RANBP17: variants seen among roughly 807,000 people sequenced by gnomAD.
RANBP17 encodes RAN binding protein 17.
In RANBP17, 158 loss-of-function variants were observed where a neutral mutation model predicts 141.2. The observed-to-expected ratio is 1.12, with a 90% CI of 0.98 to 1.28. The LOEUF (loss-of-function observed/expected upper bound fraction) is 1.28. Ranked by LOEUF, RANBP17 falls within the 50% of genes most tolerant of loss-of-function variation. The pLI is 0.00. For missense variants in RANBP17, 1,438 were observed against 1,290.7 expected (o/e 1.11, Z -1.75); for synonymous variants, 430 against 450.0 (o/e 0.96, Z 0.56).
chr5:171,192,500 AAAAT>A (rs1761716070), intron 18 of RANBP17, among the ~76,000 whole-genome samples: 1 of 152,262 alleles, frequency 6.6e-6, no homozygotes, highest in South Asian at 2.1e-4. Flanking sequence ...TCCGGGAACT[AAAAT>A]AAACACTCTG....
rs556815278 is a variant in RANBP17 at position 171,229,052 on chromosome 5, A to G, written c.2422+7212A>G. 3.9e-3 allele frequency among the ~76,000 whole-genome samples: 591 copies of G among 152,370 alleles called. 1 individual carries two copies. Among genetic ancestry groups the G allele is most frequent in the Non-Finnish European group, 5.5e-3 (373 of 68,036 alleles). On this transcript the variant is annotated intron_variant, in intron 22 of 27. Coordinates refer to ENST00000523189, the MANE Select transcript of RANBP17 (RefSeq NM_022897.5). ...ATGTATAAATGATACTTATGTATAA[A>G]TGATTACAAGAAGATAGCTAAATAA...
intron 14 of RANBP17, among the ~76,000 whole-genome samples, chr5:170,975,028 T>C (rs927720145): frequency 1.3e-5 from 2 of 152,160 alleles, no homozygotes; most frequent in African/African-American, 4.8e-5. Flanking sequence ...GGTCATTTTT[T>C]CCTTGTCCCT....
intron 14 of RANBP17, among the ~76,000 whole-genome samples, chr5:171,158,033 T>C (rs1451748397): frequency 2.0e-5 from 3 of 152,226 alleles, no homozygotes; most frequent in Admixed American, 6.5e-5. Context: ...CAGGCAATGC[T>C]TCCAGTATTT....
rs3080616 is a variant in RANBP17, at chr5:170,886,651, C to CTTTTTTTTTTTTTTTTTTTTT, written c.256+4758_256+4778dup. Among the ~76,000 whole-genome samples, 2 of 87,860 alleles carry CTTTTTTTTTTTTTTTTTTTTT rather than the reference C, an allele frequency of 2.3e-5. 1 individual carries two copies. The allele number at this position is 87,860 out of a possible 152,430, so 57.6% of individuals were successfully genotyped here. On this transcript the variant is annotated intron_variant, in intron 3 of 27. Coordinates refer to ENST00000523189, the MANE Select transcript of RANBP17 (RefSeq NM_022897.5). ...ACACTACACCATTCATTTGAGGTGC[C>CTTTTTTTTTTTTTTTTTTTTT]TTTTTTTTTTTTTTTTTTTTTTTGA...
At chr5:170,909,372 A>G (rs1198632738) in intron 5 of RANBP17, among the ~76,000 whole-genome samples, 1 of 151,778 alleles carries the variant, frequency 6.6e-6, no homozygotes. Context: ...AGGAACAGGG[A>G]AGTTGTTACT....
intron 14 of RANBP17, among the ~76,000 whole-genome samples, chr5:171,005,406 A>G (rs1779525322): frequency 6.6e-6 from 1 of 152,192 alleles, no homozygotes; most frequent in Non-Finnish European, 1.5e-5. Context: ...ATATAGACCA[A>G]TGGAACAGAA....
chr5:171,180,422 T>C, intron 16 of RANBP17, among the ~76,000 whole-genome samples: 1 of 152,228 alleles, frequency 6.6e-6, no homozygotes, highest in Admixed American at 6.5e-5. Flanking sequence ...GTACTGTTGC[T>C]ACTGTTACTG....
At chr5:171,199,073 TA>T (rs541894857) in intron 18 of RANBP17, among the ~76,000 whole-genome samples, 3 of 150,250 alleles carry the variant, frequency 2.0e-5, no homozygotes, top group Non-Finnish European at 3.0e-5. Context: ...CTTCTCTATT[TA>T]AAAAAAAAGA....
intron 24 of RANBP17, chr5:171,251,786 A>G: frequency 9.1e-7 from 1 of 1,093,596 alleles, no homozygotes; most frequent in Non-Finnish European, 1.4e-6. Flanking sequence ...CGCCTCTGTG[A>G]TTGGGTGGAA....
At chr5:170,919,135 T>A (rs1772222933) in intron 10 of RANBP17, among the ~76,000 whole-genome samples, 2 of 151,976 alleles carry the variant, frequency 1.3e-5, no homozygotes, top group Admixed American at 1.3e-4. Flanking sequence ...GAAAAGTTTT[T>A]AAAATAATTT....
intron 1 of RANBP17, among the ~76,000 whole-genome samples, chr5:170,870,698 T>C (rs1467143475): frequency 6.6e-6 from 1 of 152,250 alleles, no homozygotes; most frequent in African/African-American, 2.4e-5. Flanking sequence ...CATGTATCTT[T>C]ATAATAGAAT....
Position 170,919,538 on chromosome 5 carries a change from T to C in RANBP17, c.1199T>C (p.Leu400Pro). 1 of 1,612,302 alleles carries C rather than the reference T, an allele frequency of 6.2e-7. No individual in the cohort carries two copies. The highest frequency in any genetic ancestry group is 1.1e-5 in the South Asian group (1 of 90,828). ...VPFVKSTEPH[L>P]LDTYAPEITK... ...TTTGTGAAATCAACTGAACCCCACC[T>C]ATTAGACACTTATGCACCAGAAATC... Residue 400 changes from leucine to proline, a missense_variant, in exon 11 of 28, where the codon CTA becomes CCA. Coordinates refer to ENST00000523189, the MANE Select transcript of RANBP17 (RefSeq NM_022897.5).
At chr5:171,218,032 T>C (rs539506096) in intron 21 of RANBP17, among the ~76,000 whole-genome samples, 3 of 152,358 alleles carry the variant, frequency 2.0e-5, no homozygotes, top group African/African-American at 7.2e-5. Context: ...CATTTAGTGC[T>C]ATAAATTTCC....
intron 14 of RANBP17, among the ~76,000 whole-genome samples, chr5:171,109,849 T>C (rs1755096375): frequency 6.6e-6 from 1 of 152,120 alleles, no homozygotes. Flanking sequence ...ATTGGTTGAG[T>C]ATATTGTGTA....
intron 14 of RANBP17, among the ~76,000 whole-genome samples, chr5:171,005,232 G>A (rs1198336518): frequency 6.6e-6 from 1 of 152,040 alleles, no homozygotes; most frequent in African/African-American, 2.4e-5. Flanking sequence ...TCACAGAATT[G>A]GAAAAAACTA....
chr5:171,128,829 C>CA lies in RANBP17; in HGVS notation c.1711-41293dup, dbSNP rs70982323. On this transcript the variant is annotated intron_variant, in intron 14 of 27. Transcript: ENST00000523189. ...AAAATAAAATAGTCAAGACCCCCCC[C>CA]AAAAAAAATTTGGACATGAATTGCA... is the stretch of plus-strand genomic sequence containing the variant. 7.4e-3 allele frequency among the ~76,000 whole-genome samples: 1,122 copies of CA among 151,446 alleles called. 14 individuals are homozygous for CA. The highest frequency in any genetic ancestry group is 0.025 in the African/African-American group (1,036 of 41,346).
chr5:171,269,015 G>A (rs1184119604), intron 25 of RANBP17, among the ~76,000 whole-genome samples: 2 of 152,160 alleles, frequency 1.3e-5, no homozygotes, highest in Non-Finnish European at 2.9e-5. Flanking sequence ...ACTAAGTAGT[G>A]ATATATCTTT....
At chr5:171,001,050 T>C (rs1323340644) in intron 14 of RANBP17, among the ~76,000 whole-genome samples, 3 of 152,144 alleles carry the variant, frequency 2.0e-5, no homozygotes, top group African/African-American at 4.8e-5. Flanking sequence ...TGTCTTCTTA[T>C]ATTAATAAGA....
intron 1 of RANBP17, among the ~76,000 whole-genome samples, chr5:170,865,314 C>T (rs544510103): frequency 1.3e-5 from 2 of 152,270 alleles, no homozygotes; most frequent in Admixed American, 6.5e-5. Context: ...CCGCCCACTT[C>T]GGCCTCCCAA....
Sources: gnomAD v4.1 joint callset for allele counts (sites outside exome capture counted in the v4.1 genomes callset) on GRCh38, gnomAD v4.1.1 for gene constraint, MANE v1.5 for transcripts, NCBI Gene and HGNC (gene_info 2026-07-23, HGNC 2026-07-21) for gene names.